Variants in SYBU observed in about 807,000 individuals in gnomAD.
The protein encoded by SYBU is syntabulin.
A neutral mutation model predicts 35.9 loss-of-function variants in SYBU; 21 were observed. The ratio of observed to expected loss-of-function variants is 0.58; its 90% CI spans 0.41 to 0.84. The LOEUF is 0.84. SYBU is among the 40% of genes least tolerant of loss of function. The pLI is 0.00. For synonymous variants in SYBU, 319 were observed against 324.3 expected, an observed-to-expected ratio of 0.98 and a Z score of 0.18; for missense variants, 768 against 848.2, an observed-to-expected ratio of 0.91 and a Z score of 1.17.
chr8:109,670,270 T>A (rs1462783394), intron 1 of SYBU, among the ~76,000 whole-genome samples: 1 of 151,980 alleles, frequency 6.6e-6, no homozygotes. Flanking sequence ...ATTATACTTT[T>A]AAGTTCTAGG....
chr8:109,650,401 T>A (rs574825691), intron 1 of SYBU, among the ~76,000 whole-genome samples: 4 of 152,330 alleles, frequency 2.6e-5, no homozygotes, highest in Non-Finnish European at 4.4e-5. Context: ...AGAGGAAGAC[T>A]TTGAGTGTCT....
intron 1 of SYBU, among the ~76,000 whole-genome samples, chr8:109,686,282 A>T (rs1358674587): frequency 2.0e-5 from 3 of 152,170 alleles, no homozygotes; most frequent in African/African-American, 7.2e-5. Flanking sequence ...ATTAAAATTT[A>T]AAAACAACTT....
intron 3 of SYBU, among the ~76,000 whole-genome samples, chr8:109,590,096 C>A (rs1824047101): frequency 6.6e-6 from 1 of 152,046 alleles, no homozygotes; most frequent in African/African-American, 2.4e-5. Flanking sequence ...ATGTACAGGT[C>A]TCCAGGGAGG....
intron 3 of SYBU, among the ~76,000 whole-genome samples, chr8:109,616,028 T>TTTTTTTTTTTTTTTTTTTTG: frequency 8.6e-6 from 1 of 115,970 alleles, no homozygotes; most frequent in East Asian, 2.8e-4. Flanking sequence ...TTTTTTTTTT[T>TTTTTTTTTTTTTTTTTTTTG]TGAGACAGAG....
chr8:109,631,085 C>T (rs562743507), intron 2 of SYBU, among the ~76,000 whole-genome samples: 18 of 152,240 alleles, frequency 1.2e-4, no homozygotes, highest in South Asian at 2.1e-4. Flanking sequence ...CTCATGTGCT[C>T]GCCAGGACGC....
At chr8:109,600,471 C>G (rs1331183195) in intron 3 of SYBU, among the ~76,000 whole-genome samples, 2 of 152,092 alleles carry the variant, frequency 1.3e-5, no homozygotes, top group African/African-American at 2.4e-5. Context: ...TCCCCAGAGC[C>G]AAGAGCACAG....
chr8:109,648,275 A>AT (rs1554625566), upstream of SYBU, among the ~76,000 whole-genome samples: 2 of 144,992 alleles, frequency 1.4e-5, no homozygotes, highest in African/African-American at 2.6e-5. Flanking sequence ...ATATATATAT[A>AT]ATATATATAT....
At chr8:109,637,977 C>T (rs966551931) in intron 2 of SYBU, among the ~76,000 whole-genome samples, 2 of 152,132 alleles carry the variant, frequency 1.3e-5, no homozygotes, top group African/African-American at 4.8e-5. Context: ...CAGATTTTGA[C>T]CATTTAAAAA....
intron 3 of SYBU, among the ~76,000 whole-genome samples, chr8:109,588,218 C>A (rs554382728): frequency 6.6e-6 from 1 of 152,218 alleles, no homozygotes; most frequent in African/African-American, 2.4e-5. Flanking sequence ...TATAATTGAA[C>A]TGCTTGCCTA....
chr8:109,603,958 G>A (rs1025860550), intron 3 of SYBU, among the ~76,000 whole-genome samples: 1 of 152,140 alleles, frequency 6.6e-6, no homozygotes, highest in Non-Finnish European at 1.5e-5. Context: ...CCCAGCTCAC[G>A]CATATGTCAC....
intron 1 of SYBU, among the ~76,000 whole-genome samples, chr8:109,672,052 C>A (rs963008153): frequency 1.3e-5 from 2 of 152,184 alleles, no homozygotes; most frequent in East Asian, 3.9e-4. Flanking sequence ...TATGCATGTG[C>A]CACCATGCCC....
chr8:109,670,094 T>C (rs1042419109), intron 1 of SYBU, among the ~76,000 whole-genome samples: 5 of 152,092 alleles, frequency 3.3e-5, no homozygotes, highest in Non-Finnish European at 7.3e-5. Flanking sequence ...AACAGAATTA[T>C]GAGCAGAACT....
At chr8:109,591,661 G>A (rs1005591978) in intron 3 of SYBU, among the ~76,000 whole-genome samples, 6 of 150,212 alleles carry the variant, frequency 4.0e-5, no homozygotes, top group East Asian at 3.9e-4. Context: ...ACAGGCGCCC[G>A]CCACCACGCC....
chr8:109,614,561 T>C (rs1811526324), intron 3 of SYBU, among the ~76,000 whole-genome samples: 1 of 152,188 alleles, frequency 6.6e-6, no homozygotes, highest in South Asian at 2.1e-4. Context: ...GTGGAGGAGG[T>C]TCTTTGTCAC....
intron 3 of SYBU, chr8:109,607,808 T>TCTCACACACACA (rs71564047): frequency 3.6e-4 from 136 of 377,106 alleles, no homozygotes; most frequent in Admixed American, 4.0e-4. Context: ...CACAACTAAC[T>TCTCACACACACA]CACACACACA....
chr8:109,683,365 G>A (rs1048378871), upstream of SYBU, among the ~76,000 whole-genome samples: 1 of 152,194 alleles, frequency 6.6e-6, no homozygotes, highest in Admixed American at 6.5e-5. Flanking sequence ...TCAAAAGAGA[G>A]CATTTTGGAA....
chr8:109,592,562 C>A (rs543728675), intron 3 of SYBU, among the ~76,000 whole-genome samples: 1 of 152,316 alleles, frequency 6.6e-6, no homozygotes, highest in East Asian at 1.9e-4. Flanking sequence ...AGAGGCAACA[C>A]CACCCAGTTC....
chr8:109,579,131 C>T (rs1019457598), intron 5 of SYBU, among the ~76,000 whole-genome samples: 1 of 152,204 alleles, frequency 6.6e-6, no homozygotes, highest in African/African-American at 2.4e-5. Flanking sequence ...GACCCAGTCC[C>T]AGCCACTATG....
At chr8:109,647,367 T>C (rs1815807392), upstream of SYBU, 1 of 152,222 alleles carries the variant, frequency 6.6e-6, no homozygotes, top group South Asian at 2.1e-4. Context: ...GTTTAGAACA[T>C]TTCTTGCACT....
Sources: allele counts gnomAD v4.1 joint callset (sites outside exome capture counted in the v4.1 genomes callset), GRCh38; gene constraint gnomAD v4.1.1; transcripts MANE v1.5; gene names NCBI Gene and HGNC (gene_info 2026-07-23, HGNC 2026-07-21).